Variants in RORA observed in about 807,000 individuals in gnomAD.
The protein encoded by RORA is RAR related orphan receptor A.
A neutral mutation model predicts 69.5 loss-of-function variants in RORA; 7 were observed. That is an observed-to-expected ratio of 0.10 (90% CI 0.06 to 0.19). RORA has a LOEUF of 0.19. RORA is among the 10% of genes least tolerant of loss of function. The probability of loss-of-function intolerance (pLI) is 1.00; values close to 1 mark genes in which losing one functional copy is unlikely to be tolerated. For synonymous variants in RORA, 261 were observed against 240.8 expected (o/e 1.08, Z -0.78); for missense variants, 457 against 663.0 (o/e 0.69, Z 3.41).
chr15:60,832,927 C>T (rs376738987), intron 1 of RORA, among the ~76,000 whole-genome samples: 55 of 151,804 alleles, frequency 3.6e-4, no homozygotes, highest in African/African-American at 9.7e-4. Flanking sequence ...TTTTTTGAGA[C>T]GGAGTCTCAC....
intron 2 of RORA, among the ~76,000 whole-genome samples, chr15:60,597,644 AT>A (rs532241147): frequency 2.2e-5 from 2 of 91,256 alleles, no homozygotes; most frequent in African/African-American, 8.9e-5. Context: ...ATATATATAT[AT>A]ATATGTAAGC....
chr15:60,960,774 T>C (rs1322797998), intron 1 of RORA, among the ~76,000 whole-genome samples: 1 of 152,134 alleles, frequency 6.6e-6, no homozygotes, highest in Non-Finnish European at 1.5e-5. Context: ...ACACATTCGC[T>C]TCACTCTAGA....
chr15:60,677,829 A>G (rs1460253201), intron 2 of RORA, among the ~76,000 whole-genome samples: 1 of 152,198 alleles, frequency 6.6e-6, no homozygotes, highest in African/African-American at 2.4e-5. Context: ...AGAATGCCCA[A>G]ACATATCTCA....
At chr15:60,657,532 C>T (rs2070240326) in intron 2 of RORA, among the ~76,000 whole-genome samples, 1 of 152,172 alleles carries the variant, frequency 6.6e-6, no homozygotes, top group East Asian at 1.9e-4. Context: ...GAATGAACTT[C>T]CCTGTGTAGA....
chr15:60,519,027 G>GTAT (rs1166958641), intron 3 of RORA, among the ~76,000 whole-genome samples: 1 of 152,152 alleles, frequency 6.6e-6, no homozygotes, highest in Non-Finnish European at 1.5e-5. Flanking sequence ...TAATTGTTCT[G>GTAT]TATTATTATT....
chr15:61,116,874 A>G (rs923785771), intron 1 of RORA, among the ~76,000 whole-genome samples: 11 of 152,172 alleles, frequency 7.2e-5, no homozygotes, highest in Non-Finnish European at 4.4e-5. Flanking sequence ...CAGTGCTTCT[A>G]AAATTGCAAT....
At chr15:61,119,972 G>A (rs926779155) in intron 1 of RORA, among the ~76,000 whole-genome samples, 3 of 152,160 alleles carry the variant, frequency 2.0e-5, no homozygotes, top group African/African-American at 7.2e-5. Context: ...GAGGAGTTTT[G>A]TGAAACAGAG....
intron 2 of RORA, among the ~76,000 whole-genome samples, chr15:60,628,794 C>T (rs1029869809): frequency 8.5e-5 from 13 of 152,134 alleles, no homozygotes; most frequent in African/African-American, 1.2e-4. Flanking sequence ...TAATAAAAGA[C>T]GGTATGCACC....
At chr15:60,501,348 T>C (rs1043908339) in intron 8 of RORA, among the ~76,000 whole-genome samples, 1 of 152,196 alleles carries the variant, frequency 6.6e-6, no homozygotes, top group African/African-American at 2.4e-5. Flanking sequence ...TTGAAAATAA[T>C]GAGATTGAAC....
intron 1 of RORA, among the ~76,000 whole-genome samples, chr15:61,008,124 C>G (rs1372324160): frequency 6.6e-6 from 1 of 150,918 alleles, no homozygotes; most frequent in East Asian, 1.9e-4. Context: ...ACTATTTAAA[C>G]TTATGATAAA....
intron 2 of RORA, among the ~76,000 whole-genome samples, chr15:60,543,750 G>A (rs2066979661): frequency 6.6e-6 from 1 of 152,146 alleles, no homozygotes; most frequent in African/African-American, 2.4e-5. Flanking sequence ...CCACAGTGCT[G>A]GGATCACTGT....
chr15:60,947,872 G>A (rs1331351958), intron 1 of RORA, among the ~76,000 whole-genome samples: 1 of 152,140 alleles, frequency 6.6e-6, no homozygotes, highest in Non-Finnish European at 1.5e-5. Flanking sequence ...TTAACAGGCA[G>A]GGCATGGGGC....
intron 1 of RORA, among the ~76,000 whole-genome samples, chr15:61,081,926 C>G (rs2078548206): frequency 6.6e-6 from 1 of 152,046 alleles, no homozygotes; most frequent in South Asian, 2.1e-4. Flanking sequence ...AAAATTAGCC[C>G]TGGGAAATAA....
At chr15:60,549,193 T>C (rs1263101408) in intron 2 of RORA, among the ~76,000 whole-genome samples, 1 of 152,240 alleles carries the variant, frequency 6.6e-6, no homozygotes, top group African/African-American at 2.4e-5. Flanking sequence ...ATGGAGTTAA[T>C]GATATAACGT....
intron 1 of RORA, among the ~76,000 whole-genome samples, chr15:60,885,821 G>A (rs2073744375): frequency 1.3e-5 from 2 of 152,196 alleles, no homozygotes; most frequent in East Asian, 1.9e-4. Flanking sequence ...TGTAAAACAA[G>A]GATAACAACA....
intron 5 of RORA, among the ~76,000 whole-genome samples, chr15:60,509,601 G>A (rs1237154543): frequency 6.6e-6 from 1 of 152,174 alleles, no homozygotes; most frequent in Non-Finnish European, 1.5e-5. Flanking sequence ...AAGCAAACAG[G>A]ACAGAGTCAC....
chr15:60,922,401 TG>T (rs1160447156), intron 1 of RORA, among the ~76,000 whole-genome samples: 1 of 151,180 alleles, frequency 6.6e-6, no homozygotes, highest in African/African-American at 2.4e-5. Context: ...AGTGGGAGAG[TG>T]GGGGGAAGGG....
chr15:60,662,622 C>T (rs1421652182), intron 2 of RORA, among the ~76,000 whole-genome samples: 3 of 146,494 alleles, frequency 2.0e-5, no homozygotes, highest in Admixed American at 7.0e-5. Flanking sequence ...GAAATCCTAA[C>T]GAAGAACCTT....
At chr15:60,929,183 C>T (rs1228983792) in intron 1 of RORA, among the ~76,000 whole-genome samples, 1 of 152,104 alleles carries the variant, frequency 6.6e-6, no homozygotes, top group Non-Finnish European at 1.5e-5. Flanking sequence ...ATTTATCATA[C>T]CTTGTCAAGA....
Sources: allele counts gnomAD v4.1 joint callset (sites outside exome capture counted in the v4.1 genomes callset), GRCh38; gene constraint gnomAD v4.1.1; transcripts MANE v1.5; gene names NCBI Gene and HGNC (gene_info 2026-07-23, HGNC 2026-07-21).